ELMO1: variants seen among roughly 807,000 people sequenced by gnomAD.
ELMO1 encodes engulfment and cell motility protein 1.
ELMO1 carries 26 observed loss-of-function variants against 98.9 expected under a neutral mutation model. The ratio of observed to expected loss-of-function variants is 0.26; its 90% confidence interval spans 0.19 to 0.36. The LOEUF (loss-of-function observed/expected upper bound fraction) is 0.36, where lower values mean the gene tolerates loss of function less well. Among genes scored for constraint, ELMO1 ranks in the 10% least tolerant of loss-of-function variants. ELMO1 has a pLI of 1.00. For missense variants in ELMO1, 627 were observed against 935.2 expected (o/e 0.67, Z 4.30); for synonymous variants, 346 against 346.0 (o/e 1.00, Z 0.00).
intron 13 of ELMO1, among the ~76,000 whole-genome samples, chr7:37,165,669 A>G (rs936437633): frequency 1.1e-4 from 17 of 152,108 alleles, no homozygotes; most frequent in Non-Finnish European, 1.2e-4. Flanking sequence ...AACCAGCCTC[A>G]CATCCCAGGG....
chr7:36,914,147 C>T (rs973847393), intron 16 of ELMO1, among the ~76,000 whole-genome samples: 3 of 152,194 alleles, frequency 2.0e-5, no homozygotes, highest in Admixed American at 6.5e-5. Flanking sequence ...TGGCTTCACA[C>T]GGATGATATG....
In ELMO1 at chr7:37,375,496, C is replaced by G. The variant is rs1040606327; in HGVS notation, c.-73-32733G>C. 4 of 767,880 alleles carry G rather than the reference C, an allele frequency of 5.2e-6. No homozygotes were observed. In the East Asian group the frequency reaches 8.0e-5, roughly 15 times the overall value. The allele number at this position is 767,880 out of a possible 1,614,324, so 47.6% of individuals were successfully genotyped here. A position where few individuals can be genotyped will look rare whatever the true frequency, so the allele number is the denominator to read the frequency against. ...ATGGAGTCAGGTATGATTCAAGCCC[C>G]GGCCCCGGACCCCAGAGCCACCAAG... On this transcript the variant is annotated intron_variant, in intron 1 of 21. Coordinates refer to ENST00000310758, the MANE Select transcript of ELMO1 (RefSeq NM_014800.11).
chr7:37,007,559 C>T (rs1220797962), intron 16 of ELMO1, among the ~76,000 whole-genome samples: 5 of 152,166 alleles, frequency 3.3e-5, no homozygotes, highest in Non-Finnish European at 7.3e-5. Context: ...ACCAACAGAG[C>T]GCCGTCTGCA....
intron 1 of ELMO1, among the ~76,000 whole-genome samples, chr7:37,441,462 C>G (rs898537351): frequency 6.6e-6 from 1 of 152,166 alleles, no homozygotes; most frequent in Non-Finnish European, 1.5e-5. Context: ...ATGTCCTGGT[C>G]GCACTAATGG....
chr7:37,394,029 C>A (rs889733048), intron 1 of ELMO1: 2 of 152,202 alleles, frequency 1.3e-5, no homozygotes, highest in African/African-American at 4.8e-5. Context: ...AGGTAAGCTG[C>A]CTTAACTTTT....
chr7:37,347,144 T>C (rs1986569), intron 1 of ELMO1, among the ~76,000 whole-genome samples: 26,805 of 152,182 alleles, frequency 0.18, 2,973 homozygotes, highest in East Asian at 0.59. Context: ...ATGGATAATC[T>C]AGTTCATGTT....
At chr7:37,391,056 C>CT (rs1422737786) in intron 1 of ELMO1, among the ~76,000 whole-genome samples, 2 of 148,690 alleles carry the variant, frequency 1.3e-5, no homozygotes, top group Admixed American at 1.4e-4. Context: ...TCCTTCCTTC[C>CT]TTCCTCCCTC....
At chr7:37,234,795 T>C (rs1226305883) in intron 7 of ELMO1, among the ~76,000 whole-genome samples, 2 of 152,202 alleles carry the variant, frequency 1.3e-5, no homozygotes, top group Non-Finnish European at 2.9e-5. Flanking sequence ...GAATTGTAAG[T>C]AGCGTGTGAG....
intron 14 of ELMO1, among the ~76,000 whole-genome samples, chr7:37,125,440 G>GA (rs1346810014): frequency 4.6e-5 from 7 of 152,210 alleles, no homozygotes; most frequent in East Asian, 1.9e-4. Flanking sequence ...AAATTTACAA[G>GA]AAAAAATCAA....
intron 1 of ELMO1, among the ~76,000 whole-genome samples, chr7:37,420,254 G>T (rs999796083): frequency 6.6e-6 from 1 of 152,184 alleles, no homozygotes; most frequent in South Asian, 2.1e-4. Flanking sequence ...TGCTCCATGG[G>T]TCACCTAGCA....
intron 2 of ELMO1, among the ~76,000 whole-genome samples, chr7:37,328,406 A>AAAAAAAAAAC: frequency 6.8e-6 from 1 of 146,536 alleles, no homozygotes; most frequent in Admixed American, 7.0e-5. Context: ...AAAAAAAAAA[A>AAAAAAAAAAC]AAGATGCTGT....
chr7:36,972,594 C>A (rs750471269), intron 16 of ELMO1, among the ~76,000 whole-genome samples: 4 of 152,252 alleles, frequency 2.6e-5, no homozygotes, highest in Non-Finnish European at 4.4e-5. Flanking sequence ...TTTACATCAT[C>A]TTCCTTCTAT....
chr7:37,063,604 A>T (rs1348405418), intron 15 of ELMO1, among the ~76,000 whole-genome samples: 1 of 152,148 alleles, frequency 6.6e-6, no homozygotes, highest in Non-Finnish European at 1.5e-5. Context: ...TCAAGCCATG[A>T]TCACAGTCTT....
At chr7:37,132,642 C>T (rs544991823) in intron 14 of ELMO1, among the ~76,000 whole-genome samples, 1 of 152,202 alleles carries the variant, frequency 6.6e-6, no homozygotes, top group African/African-American at 2.4e-5. Context: ...CCTTCTGCTC[C>T]ACCCACAAAT....
chr7:37,015,481 G>A (rs926241144), intron 15 of ELMO1, among the ~76,000 whole-genome samples: 4 of 152,030 alleles, frequency 2.6e-5, no homozygotes, highest in African/African-American at 9.7e-5. Context: ...TGCCGCTGTA[G>A]TCCCAGCTAC....
chr7:37,185,460 A>G (rs1185248000), intron 13 of ELMO1, among the ~76,000 whole-genome samples: 2 of 152,240 alleles, frequency 1.3e-5, no homozygotes, highest in Admixed American at 1.3e-4. Context: ...GTTCCAAACA[A>G]AGGTCCACTT....
chr7:36,935,872 A>G (rs1424706057), intron 16 of ELMO1, among the ~76,000 whole-genome samples: 1 of 152,160 alleles, frequency 6.6e-6, no homozygotes, highest in African/African-American at 2.4e-5. Flanking sequence ...TCTAACACTT[A>G]CAAGCTGTGT....
At chr7:36,974,069 G>A (rs560057491) in intron 16 of ELMO1, among the ~76,000 whole-genome samples, 3 of 152,330 alleles carry the variant, frequency 2.0e-5, no homozygotes, top group African/African-American at 7.2e-5. Context: ...GATGAGCGCC[G>A]CCCCCTGTTC....
At chr7:37,230,941 G>A (rs1794137554) in intron 8 of ELMO1, among the ~76,000 whole-genome samples, 1 of 152,106 alleles carries the variant, frequency 6.6e-6, no homozygotes, top group South Asian at 2.1e-4. Context: ...GATGTCTTTG[G>A]CTTCTTTAGC....
Sources: allele counts gnomAD v4.1 joint callset (sites outside exome capture counted in the v4.1 genomes callset), GRCh38; gene constraint gnomAD v4.1.1; transcripts MANE v1.5; gene names NCBI Gene and HGNC (gene_info 2026-07-23, HGNC 2026-07-21).